DLG2: variants seen among roughly 807,000 people sequenced by gnomAD.
The protein encoded by DLG2 is disks large homolog 2.
A neutral mutation model predicts 132.5 loss-of-function variants in DLG2; 45 were observed. That is an observed-to-expected ratio of 0.34 (90% CI 0.27 to 0.44). DLG2 has a LOEUF of 0.44. Among genes scored for constraint, DLG2 ranks in the 20% least tolerant of loss-of-function variants. The pLI is 1.00. For missense variants in DLG2, 1,045 were observed against 1,196.9 expected (o/e 0.87, Z 1.87); for synonymous variants, 424 against 419.6 (o/e 1.01, Z -0.13).
chr11:85,248,956 T>G (rs1230997116), intron 4 of DLG2, among the ~76,000 whole-genome samples: 1 of 152,086 alleles, frequency 6.6e-6, no homozygotes, highest in Non-Finnish European at 1.5e-5. Context: ...CAGTAGAGGA[T>G]ATTTCAAAAT....
chr11:84,696,489 C>T, intron 6 of DLG2, among the ~76,000 whole-genome samples: 1 of 151,436 alleles, frequency 6.6e-6, no homozygotes, highest in East Asian at 1.9e-4. Flanking sequence ...TTTAGAGGAT[C>T]TTCCAACCAG....
At chr11:83,459,946 C>T in intron 27 of DLG2, 22 bp from the exon 28 acceptor site, 1 of 1,326,794 alleles carries the variant, frequency 7.5e-7, no homozygotes, top group Non-Finnish European at 1.1e-6. Context: ...GCAAACACAC[C>T]CAGAATTAGA....
intron 3 of DLG2, among the ~76,000 whole-genome samples, chr11:85,332,424 TC>T (rs2081828777): frequency 1.3e-5 from 2 of 151,080 alleles, no homozygotes; most frequent in Non-Finnish European, 3.0e-5. Context: ...TTGTCTACTC[TC>T]TATGGGTCCT....
chr11:84,639,100 G>T (rs1395942350), intron 6 of DLG2, among the ~76,000 whole-genome samples: 1 of 152,106 alleles, frequency 6.6e-6, no homozygotes, highest in African/African-American at 2.4e-5. Context: ...TATCAAGTAT[G>T]TTATGAGTTC....
At chr11:84,674,922 A>T (rs141513269) in intron 6 of DLG2, among the ~76,000 whole-genome samples, 38 of 152,164 alleles carry the variant, frequency 2.5e-4, no homozygotes, top group African/African-American at 9.2e-4. Context: ...ACTTTTTCCC[A>T]CAAGACAGTT....
intron 3 of DLG2, among the ~76,000 whole-genome samples, chr11:85,322,505 T>C (rs1342719187): frequency 6.6e-6 from 1 of 152,158 alleles, no homozygotes; most frequent in African/African-American, 2.4e-5. Flanking sequence ...TAGTGACTAA[T>C]ATCAGCTGAT....
chr11:83,651,633 GA>G (rs1042415040), intron 18 of DLG2: 4 of 269,586 alleles, frequency 1.5e-5, no homozygotes, highest in African/African-American at 8.7e-5. Context: ...GAAGAAGAAA[GA>G]AGAGGAGTTG....
At chr11:84,175,266 T>C (rs750727127) in intron 8 of DLG2, among the ~76,000 whole-genome samples, 2 of 152,170 alleles carry the variant, frequency 1.3e-5, no homozygotes, top group Non-Finnish European at 2.9e-5. Flanking sequence ...GTGATTTCTC[T>C]TCCCTGACAT....
At chr11:83,762,571 A>AT (rs1180199173) in intron 18 of DLG2, among the ~76,000 whole-genome samples, 1 of 151,496 alleles carries the variant, frequency 6.6e-6, no homozygotes, top group East Asian at 1.9e-4. Flanking sequence ...AAGTGTTGAG[A>AT]TTAAGTATTA....
intron 7 of DLG2, among the ~76,000 whole-genome samples, chr11:84,301,878 A>C (rs955292668): frequency 6.6e-6 from 1 of 152,148 alleles, no homozygotes; most frequent in Non-Finnish European, 1.5e-5. Context: ...AGATCATTCT[A>C]CTATAAAGAT....
chr11:84,419,464 C>G, intron 7 of DLG2, among the ~76,000 whole-genome samples: 1 of 152,148 alleles, frequency 6.6e-6, no homozygotes, highest in East Asian at 1.9e-4. Flanking sequence ...TTCTGGACAT[C>G]ATTTAGAACA....
intron 6 of DLG2, among the ~76,000 whole-genome samples, chr11:84,920,853 T>A (rs1158755014): frequency 6.6e-6 from 1 of 152,118 alleles, no homozygotes; most frequent in Non-Finnish European, 1.5e-5. Flanking sequence ...AAAAGTTTAT[T>A]CTAGAATAAA....
At chr11:85,105,777 C>A (rs1178056521) in intron 6 of DLG2, among the ~76,000 whole-genome samples, 1 of 151,842 alleles carries the variant, frequency 6.6e-6, no homozygotes. Context: ...CTCTTCAAAG[C>A]CATTCTGGGT....
intron 15 of DLG2, among the ~76,000 whole-genome samples, chr11:83,880,143 C>A (rs777277284): frequency 2.6e-5 from 4 of 152,056 alleles, no homozygotes; most frequent in Non-Finnish European, 4.4e-5. Context: ...CAATGAATAC[C>A]CTGCCAAGGT....
At chr11:83,670,593 T>C (rs1233109259) in intron 18 of DLG2, among the ~76,000 whole-genome samples, 2 of 151,810 alleles carry the variant, frequency 1.3e-5, no homozygotes, top group African/African-American at 4.8e-5. Flanking sequence ...TTGTCATAGA[T>C]GAAGACATTT....
chr11:84,381,585 G>T (rs2098749297), intron 7 of DLG2, among the ~76,000 whole-genome samples: 1 of 152,090 alleles, frequency 6.6e-6, no homozygotes, highest in African/African-American at 2.4e-5. Flanking sequence ...TTAATATGAA[G>T]ACAAATTTAT....
At chr11:83,482,316 T>C (rs1212485014) in intron 22 of DLG2, among the ~76,000 whole-genome samples, 1 of 152,072 alleles carries the variant, frequency 6.6e-6, no homozygotes, top group Non-Finnish European at 1.5e-5. Flanking sequence ...ATATTGCCCA[T>C]AGCTGTTAAT....
At chr11:85,236,459 G>C (rs891374769) in intron 4 of DLG2, among the ~76,000 whole-genome samples, 14 of 151,910 alleles carry the variant, frequency 9.2e-5, no homozygotes, top group Non-Finnish European at 2.9e-5. Context: ...TCTATGCAAG[G>C]CACCCCTGGT....
rs56172449 is a variant in DLG2 at position 83,597,786 on chromosome 11, A to AAAACAAACAAAC, written c.1940+35413_1940+35424dup. On this transcript the variant is annotated intron_variant, in intron 19 of 27. Transcript: ENST00000376104. ...GAAGACAGAGTGAGCTCCCTGTCTCAAAACAAACAAACAAACAAACAAACA... is the reference window on the plus strand; with the variant it reads ...GAAGACAGAGTGAGCTCCCTGTCTCAAAACAAACAAACAAACAAACAAACAAACAAACAAACA... Among the ~76,000 whole-genome samples the AAAACAAACAAAC allele has an allele frequency of 2.8e-3, 422 of 150,934 alleles. 3 individuals are homozygous for AAAACAAACAAAC. The highest frequency in any genetic ancestry group is 9.7e-3 in the African/African-American group (399 of 40,964).
Sources: allele counts gnomAD v4.1 joint callset (sites outside exome capture counted in the v4.1 genomes callset), GRCh38; gene constraint gnomAD v4.1.1; transcripts MANE v1.5; gene names NCBI Gene and HGNC (gene_info 2026-07-23, HGNC 2026-07-21).